The following AUTS2 variants were observed in gnomAD, a reference collection of about 807,000 sequenced individuals.
AUTS2 encodes the protein autism susceptibility gene 2 protein.
AUTS2 carries 17 observed loss-of-function variants against 112.4 expected under a neutral mutation model. The ratio of observed to expected loss-of-function variants is 0.15; its 90% CI spans 0.10 to 0.23. AUTS2 has a LOEUF of 0.23. AUTS2 is among the 10% of genes least tolerant of loss of function. AUTS2 has a pLI of 1.00. For synonymous variants in AUTS2, 751 were observed against 702.7 expected (o/e 1.07, Z -1.09); for missense variants, 1,510 against 1,701.6 (o/e 0.89, Z 1.98).
chr7:70,289,675 A>G (rs577839758), intron 4 of AUTS2, among the ~76,000 whole-genome samples: 1 of 152,308 alleles, frequency 6.6e-6, no homozygotes, highest in African/African-American at 2.4e-5. Flanking sequence ...GTCTGGACCA[A>G]AGACCCAAGA....
intron 4 of AUTS2, among the ~76,000 whole-genome samples, chr7:70,361,876 A>G (rs1300459415): frequency 1.3e-5 from 2 of 152,144 alleles, no homozygotes; most frequent in Non-Finnish European, 2.9e-5. Flanking sequence ...AGTTTTATGT[A>G]TATGTATATG....
At chr7:69,788,899 C>T (rs1046750220) in intron 1 of AUTS2, among the ~76,000 whole-genome samples, 1 of 152,122 alleles carries the variant, frequency 6.6e-6, no homozygotes, top group African/African-American at 2.4e-5. Flanking sequence ...TCTGACGCGT[C>T]TAGCACTCTG....
chr7:70,257,268 G>A (rs1386000656), intron 4 of AUTS2, among the ~76,000 whole-genome samples: 1 of 152,100 alleles, frequency 6.6e-6, no homozygotes, highest in Admixed American at 6.5e-5. Context: ...AGCCTCTCAA[G>A]TAGCTGGGAC....
In AUTS2 at chr7:70,767,673, C is replaced by G. The variant is rs149234932; in HGVS notation, c.1690-351C>G. Among the ~76,000 whole-genome samples the G allele has an allele frequency of 1.9e-3, 295 of 152,300 alleles. 2 individuals carry two copies. The highest frequency in any genetic ancestry group is 0.014 in the Middle Eastern group (4 of 294). Reference sequence around the variant, plus strand: ...TGAAGATGAAAATAGGGGGAATTCACTGGGTAAATCAGACCAAATGCTCAC... The same window carrying G: ...TGAAGATGAAAATAGGGGGAATTCAGTGGGTAAATCAGACCAAATGCTCAC... On this transcript the variant is annotated intron_variant, in intron 9 of 18. Transcript: ENST00000342771.
intron 4 of AUTS2, among the ~76,000 whole-genome samples, chr7:70,277,892 A>G (rs993589569): frequency 2.2e-4 from 33 of 151,640 alleles, no homozygotes; most frequent in African/African-American, 6.8e-4. Flanking sequence ...TACCCATTTT[A>G]GTAAAAAGGT....
intron 5 of AUTS2, among the ~76,000 whole-genome samples, chr7:70,573,568 A>C (rs562589348): frequency 6.6e-6 from 1 of 152,272 alleles, no homozygotes; most frequent in Non-Finnish European, 1.5e-5. Context: ...GTGTCATGAA[A>C]CTCAGAAGGC....
At chr7:70,521,790 C>T (rs912837802) in intron 5 of AUTS2, among the ~76,000 whole-genome samples, 8 of 152,144 alleles carry the variant, frequency 5.3e-5, no homozygotes, top group Non-Finnish European at 7.3e-5. Flanking sequence ...GTTTACCATT[C>T]TCCCTCCAAA....
chr7:69,918,054 G>A (rs1795662121), intron 2 of AUTS2, among the ~76,000 whole-genome samples: 1 of 152,050 alleles, frequency 6.6e-6, no homozygotes, highest in African/African-American at 2.4e-5. Context: ...TGTTGGCCAG[G>A]ATGGTCTTGA....
At position 69,722,513 on chromosome 7, in the gene AUTS2, T is replaced by C. The variant is rs186719943; in HGVS notation, c.309+122551T>C. Among the ~76,000 whole-genome samples, 14 of 152,196 alleles carry C rather than the reference T, an allele frequency of 9.2e-5. No homozygotes were observed. In the East Asian group the frequency reaches 1.5e-3, roughly 17 times the overall value. On this transcript the variant is annotated intron_variant, in intron 1 of 18. Coordinates refer to ENST00000342771, the MANE Select transcript of AUTS2 (RefSeq NM_015570.4). Reference sequence around the variant, plus strand: ...ACCCAGCTAATTTTTTTATTTTTGTTTTTTAAGAGCTGGAAATTTGCTATG... The same window carrying C: ...ACCCAGCTAATTTTTTTATTTTTGTCTTTTAAGAGCTGGAAATTTGCTATG...
chr7:69,801,688 A>G (rs1272849050), intron 1 of AUTS2, among the ~76,000 whole-genome samples: 1 of 152,128 alleles, frequency 6.6e-6, no homozygotes, highest in African/African-American at 2.4e-5. Flanking sequence ...CATTCATTCA[A>G]CAGTTTTGTT....
chr7:69,867,479 C>T (rs1793287324), intron 1 of AUTS2, among the ~76,000 whole-genome samples: 1 of 152,124 alleles, frequency 6.6e-6, no homozygotes, highest in Non-Finnish European at 1.5e-5. Context: ...TGCAGAAGCA[C>T]CTGTTCTGTT....
rs772052092 is a variant in AUTS2 at position 70,790,253 on chromosome 7, A to G, written c.3037A>G (p.Ser1013Gly). ...GCCGCCGCCTCCCAACTCCTCGTCC[A>G]GCGTGCACCCGGGGCCCCTGGCCTC... ...SEPPPPNSSS[S>G]VHPGPLASMP... is the part of the protein sequence containing the mutation. The change falls in exon 19 of 19, where the codon AGC (serine) becomes GGC (glycine). Residue 1013 changes from serine (S) to glycine (G), a missense_variant. Physicochemically the swap from Ser to Gly is moderately conservative, Grantham distance 56. This residue lies in a region of AUTS2 where 788 missense variants were observed against 797.6 expected (regional missense o/e 0.99). Coordinates refer to ENST00000342771, the MANE Select transcript of AUTS2 (RefSeq NM_015570.4). The surrounding 1 kb of genome is among the most constrained non-coding windows in gnomAD (Gnocchi z 7.6). 1 of 1,612,984 alleles carries G rather than the reference A, an allele frequency of 6.2e-7. No individual in the cohort carries two copies. The highest frequency in any genetic ancestry group is 8.5e-7 in the Non-Finnish European group (1 of 1,179,876).
At chr7:70,008,076 T>C (rs1195338258) in intron 2 of AUTS2, among the ~76,000 whole-genome samples, 1 of 152,208 alleles carries the variant, frequency 6.6e-6, no homozygotes, top group African/African-American at 2.4e-5. Flanking sequence ...TTTTTTTGTA[T>C]ACAAAATCAT....
chr7:69,602,038 ATATGTGTGTGTGTGTG>A (rs1792456712), intron 1 of AUTS2, among the ~76,000 whole-genome samples: 1 of 10,046 alleles, frequency 1.0e-4, no homozygotes, highest in Non-Finnish European at 2.2e-4. Context: ...ATATATATAT[ATATGTGTGTGTGTGTG>A]TGTGTGTGTG....
chr7:69,989,559 A>C (rs1798653869), intron 2 of AUTS2, among the ~76,000 whole-genome samples: 1 of 152,096 alleles, frequency 6.6e-6, no homozygotes, highest in Admixed American at 6.5e-5. Flanking sequence ...GTGAGCAGCT[A>C]CTCATTGAAG....
chr7:70,720,574 A>C lies in AUTS2; in HGVS notation c.742+21954A>C, dbSNP rs150692085. ...TACATATGTTTTAACACACACACAC[A>C]CCCCTTTCTTTCAGCTCTGGTTCCC... On this transcript the variant is annotated intron_variant, in intron 6 of 18. Transcript: ENST00000342771. Among the ~76,000 whole-genome samples, 18 of 151,866 alleles carry C rather than the reference A, an allele frequency of 1.2e-4. No individual in the cohort carries two copies. The East Asian group carries it at 2.5e-3, about 21-fold the overall frequency.
intron 2 of AUTS2, among the ~76,000 whole-genome samples, chr7:70,023,193 A>G (rs1800351464): frequency 6.6e-6 from 1 of 152,216 alleles, no homozygotes; most frequent in African/African-American, 2.4e-5. Flanking sequence ...TGTGTTTTAT[A>G]AGATCATTAT....
chr7:70,392,287 G>A (rs998955136), intron 4 of AUTS2, among the ~76,000 whole-genome samples: 22 of 152,144 alleles, frequency 1.4e-4, no homozygotes, highest in African/African-American at 5.3e-4. Flanking sequence ...ATGAATGACA[G>A]CAGAAACTCA....
intron 1 of AUTS2, among the ~76,000 whole-genome samples, chr7:69,618,198 G>C (rs535633947): frequency 9.2e-5 from 14 of 152,304 alleles, no homozygotes; most frequent in Non-Finnish European, 1.8e-4. Context: ...GGAGGGGGAT[G>C]AGCTTGTCTC....
Sources: allele counts gnomAD v4.1 joint callset (sites outside exome capture counted in the v4.1 genomes callset), GRCh38; gene constraint gnomAD v4.1.1; regional missense constraint gnomAD v4.1.1; non-coding constraint Gnocchi (gnomAD v3.1); transcripts MANE v1.5; gene names NCBI Gene and HGNC (gene_info 2026-07-23, HGNC 2026-07-21).